Variants in ATP8B4 observed in about 807,000 individuals in gnomAD.
ATP8B4 encodes probable phospholipid-transporting ATPase IM.
In ATP8B4, 133 loss-of-function variants were observed where a neutral mutation model predicts 145.6. The ratio of observed to expected loss-of-function variants is 0.91; its 90% confidence interval spans 0.79 to 1.05. The LOEUF (loss-of-function observed/expected upper bound fraction) is 1.05. Among genes scored for constraint, ATP8B4 ranks in the 50% least tolerant of loss-of-function variants. The probability of loss-of-function intolerance (pLI) is 0.00; values close to 1 mark genes in which losing one functional copy is unlikely to be tolerated. For missense variants in ATP8B4, 1,458 were observed against 1,425.2 expected, an observed-to-expected ratio of 1.02 and a Z score of -0.37; for synonymous variants, 507 against 492.9, an observed-to-expected ratio of 1.03 and a Z score of -0.38.
chr15:49,952,991 G>A (rs746974351), intron 14 of ATP8B4, among the ~76,000 whole-genome samples: 9 of 151,958 alleles, frequency 5.9e-5, no homozygotes, highest in Non-Finnish European at 1.2e-4. Context: ...CAGTTTGCTG[G>A]GGGTTCACTT....
At chr15:50,077,830 T>G (rs976166929) in intron 2 of ATP8B4, among the ~76,000 whole-genome samples, 6 of 152,150 alleles carry the variant, frequency 3.9e-5, no homozygotes, top group African/African-American at 1.4e-4. Context: ...ACAGCAGCTA[T>G]AGCCAACTTG....
chr15:50,056,923 G>A (rs765656339), intron 3 of ATP8B4, among the ~76,000 whole-genome samples: 2 of 151,680 alleles, frequency 1.3e-5, no homozygotes, highest in African/African-American at 4.8e-5. Flanking sequence ...ACAGAGTCTC[G>A]CTATGTTGCC....
chr15:50,163,691 A>G (rs1480177558), intron 1 of ATP8B4, among the ~76,000 whole-genome samples: 1 of 152,196 alleles, frequency 6.6e-6, no homozygotes, highest in Non-Finnish European at 1.5e-5. Flanking sequence ...TGGTGAATCC[A>G]GCCTTGCTTG....
chr15:50,008,248 A>G (rs147920765), intron 7 of ATP8B4, among the ~76,000 whole-genome samples: 110 of 152,308 alleles, frequency 7.2e-4, no homozygotes, highest in African/African-American at 2.5e-3. Flanking sequence ...TTAAGGAAGC[A>G]TCACCTAGGT....
rs2044665772 is a variant in ATP8B4, at chr15:50,171,027, T to C, written c.-43+11234A>G. On this transcript the variant is annotated intron_variant, in intron 1 of 3. Transcript: ENST00000558829. ...AAAATATCACAATCCTAAATACATA[T>C]GCACCTAACACTAGAGCTCCCTAAT... Among the ~76,000 whole-genome samples, 4 of 152,292 alleles carry C rather than the reference T, an allele frequency of 2.6e-5. No homozygotes were observed. The South Asian group carries it at 6.2e-4, about 24-fold the overall frequency.
At chr15:50,026,863 T>C (rs2050044934) in intron 6 of ATP8B4, among the ~76,000 whole-genome samples, 2 of 152,260 alleles carry the variant, frequency 1.3e-5, no homozygotes, top group South Asian at 4.1e-4. Flanking sequence ...ATGGTACTTG[T>C]GACGGACCAC....
intron 3 of ATP8B4, among the ~76,000 whole-genome samples, chr15:50,071,382 G>A (rs1428919880): frequency 6.6e-6 from 1 of 152,150 alleles, no homozygotes; most frequent in African/African-American, 2.4e-5. Flanking sequence ...AAATTGAAAA[G>A]AGCGTATCAC....
At chr15:49,985,058 T>C (rs1046642694) in intron 10 of ATP8B4, among the ~76,000 whole-genome samples, 2 of 152,058 alleles carry the variant, frequency 1.3e-5, no homozygotes, top group African/African-American at 4.8e-5. Context: ...TAGGTATAAC[T>C]AGAGTAATAA....
intron 1 of ATP8B4, among the ~76,000 whole-genome samples, chr15:50,155,151 A>T (rs2044395080): frequency 6.6e-6 from 1 of 152,138 alleles, no homozygotes; most frequent in Non-Finnish European, 1.5e-5. Flanking sequence ...CCTAAGTAAG[A>T]ACCTTGAAGT....
At chr15:49,910,155 C>T (rs28874321) in intron 20 of ATP8B4, among the ~76,000 whole-genome samples, 11,764 of 151,732 alleles carry the variant, frequency 0.078, 498 homozygotes, top group Middle Eastern at 0.092. Context: ...GATATCATAA[C>T]GAAGAACCAA....
At chr15:49,987,572 A>C in intron 9 of ATP8B4, 23 bp from the exon 10 acceptor site, 1 of 1,604,392 alleles carries the variant, frequency 6.2e-7, no homozygotes, top group Non-Finnish European at 8.5e-7. Context: ...AAAACAAAAC[A>C]AACCTCTTTA....
At chr15:50,135,455 T>C (rs1341188780) in intron 1 of ATP8B4, among the ~76,000 whole-genome samples, 1 of 152,192 alleles carries the variant, frequency 6.6e-6, no homozygotes, top group Non-Finnish European at 1.5e-5. Context: ...TTGCGGGAAT[T>C]GCTTGAGCTA....
intron 20 of ATP8B4, among the ~76,000 whole-genome samples, chr15:49,913,947 T>C (rs1229654306): frequency 4.6e-5 from 7 of 151,838 alleles, no homozygotes; most frequent in Non-Finnish European, 8.9e-5. Context: ...TATCATACTA[T>C]GTTATTTTTC....
chr15:50,011,871 G>A (rs2048743498), intron 6 of ATP8B4, among the ~76,000 whole-genome samples: 2 of 151,722 alleles, frequency 1.3e-5, no homozygotes, highest in South Asian at 2.1e-4. Context: ...AAGTTGAGGT[G>A]GACAGGTTAA....
intron 19 of ATP8B4, 200 bp from the exon 20 acceptor site, chr15:49,917,239 T>C: frequency 1.9e-6 from 1 of 529,538 alleles, no homozygotes; most frequent in Non-Finnish European, 3.3e-6. Context: ...ATTCCCTACT[T>C]GCTAAACCCA....
intron 2 of ATP8B4, among the ~76,000 whole-genome samples, chr15:50,099,906 A>T (rs1165149006): frequency 6.6e-6 from 1 of 151,960 alleles, no homozygotes; most frequent in Admixed American, 6.6e-5. Flanking sequence ...GTAGTGGTGC[A>T]TGCCTGTAAT....
chr15:50,054,845 T>G (rs907382188), intron 3 of ATP8B4, among the ~76,000 whole-genome samples: 1 of 143,094 alleles, frequency 7.0e-6, no homozygotes, highest in East Asian at 2.1e-4. Flanking sequence ...GCACTTTAAA[T>G]TCAGTCCTGT....
Position 49,876,709 on chromosome 15 carries a change from CTACTT to C in ATP8B4, c.2782-191_2782-187del, listed in dbSNP as rs1424567729. On this transcript the variant is annotated intron_variant, in intron 24 of 27. Transcript: ENST00000284509. ...AAACCAGAAGATAATAAAATGATCT[CTACTT>C]TACAGAGAAGGAGCTTGAGTCTCCA... The C allele has an allele frequency of 4.5e-6, 4 of 887,122 alleles. No homozygotes were observed. In the African/African-American group the frequency reaches 5.0e-5, roughly 11 times the overall value. 55.0% of individuals were successfully genotyped at this position (887,122 alleles called of 1,614,324 possible). A position where few individuals can be genotyped will look rare whatever the true frequency, so the allele number is the denominator to read the frequency against.
At chr15:50,073,978 GTATT>G in intron 3 of ATP8B4, 145 bp downstream of exon 3, 1 of 585,486 alleles carries the variant, frequency 1.7e-6, no homozygotes, top group South Asian at 2.6e-5. Context: ...ACTAAGATCT[GTATT>G]TATGGAAATA....
Sources: gnomAD v4.1 joint callset for allele counts (sites outside exome capture counted in the v4.1 genomes callset) on GRCh38, gnomAD v4.1.1 for gene constraint, MANE v1.5 for transcripts, NCBI Gene and HGNC (gene_info 2026-07-23, HGNC 2026-07-21) for gene names.